Variants in UVSSA observed in about 807,000 individuals in gnomAD.
UVSSA encodes UV-stimulated scaffold protein A.
In UVSSA, 72 loss-of-function variants were observed where a neutral mutation model predicts 73.9. The observed-to-expected ratio is 0.97, with a 90% CI of 0.81 to 1.19. UVSSA has a LOEUF of 1.19. UVSSA is among the 50% of genes most tolerant of loss of function. UVSSA has a pLI of 0.00. For missense variants in UVSSA, 1,150 were observed against 965.0 expected, an observed-to-expected ratio of 1.19 and a Z score of -2.54; for synonymous variants, 454 against 391.3, an observed-to-expected ratio of 1.16 and a Z score of -1.89.
chr4:1,365,759 T>G (rs975235026), intron 7 of UVSSA, among the ~76,000 whole-genome samples: 2 of 152,158 alleles, frequency 1.3e-5, no homozygotes, highest in African/African-American at 4.8e-5. Flanking sequence ...GCCCGTTGCC[T>G]AAGAGCAGAC....
chr4:1,380,300 G>T (rs1369043875), intron 11 of UVSSA, 70 bp downstream of exon 11: 1 of 1,511,656 alleles, frequency 6.6e-7, no homozygotes, highest in African/African-American at 1.4e-5. Flanking sequence ...GGGGTGCTGA[G>T]CCCCACCTGC....
chr4:1,347,940 A>C (rs1437052335), intron 1 of UVSSA, 150 bp from the exon 2 acceptor site: 1 of 669,038 alleles, frequency 1.5e-6, no homozygotes, highest in African/African-American at 1.8e-5. Flanking sequence ...GGACACACAT[A>C]TTTCCCAGAG....
chr4:1,360,854 A>G (rs1219449700), intron 7 of UVSSA, among the ~76,000 whole-genome samples: 3 of 152,202 alleles, frequency 2.0e-5, no homozygotes, highest in Non-Finnish European at 4.4e-5. Flanking sequence ...GCGTTTACAT[A>G]AAGTCTGCGT....
intron 8 of UVSSA, among the ~76,000 whole-genome samples, chr4:1,372,182 C>G (rs1382022732): frequency 6.6e-6 from 1 of 152,192 alleles, no homozygotes; most frequent in East Asian, 1.9e-4. Flanking sequence ...TTATTTTCAA[C>G]TTTTCACTAA....
intron 7 of UVSSA, among the ~76,000 whole-genome samples, chr4:1,358,736 C>G (rs1716174505): frequency 6.6e-6 from 1 of 152,274 alleles, no homozygotes; most frequent in Non-Finnish European, 1.5e-5. Context: ...GGACGAGGTG[C>G]TCCTCGTTAA....
At chr4:1,351,926 C>G in intron 4 of UVSSA, 91 bp downstream of exon 4, 3 of 1,549,626 alleles carry the variant, frequency 1.9e-6, no homozygotes. Context: ...GCCCCAGCCG[C>G]AAGGAACCCA....
chr4:1,358,271 C>T (rs1417174448), intron 7 of UVSSA, among the ~76,000 whole-genome samples: 3 of 152,252 alleles, frequency 2.0e-5, no homozygotes, highest in Non-Finnish European at 4.4e-5. Flanking sequence ...GGCCCCTCGT[C>T]CCCTTCGACC....
At chr4:1,365,614 A>G (rs994820366) in intron 7 of UVSSA, among the ~76,000 whole-genome samples, 1 of 152,240 alleles carries the variant, frequency 6.6e-6, no homozygotes, top group Non-Finnish European at 1.5e-5. Flanking sequence ...TGGCCTTGTC[A>G]AAAGGAAATG....
chr4:1,378,045 C>T lies in UVSSA; in HGVS notation c.1568+1877C>T, dbSNP rs372372242. 5.8e-4 allele frequency among the ~76,000 whole-genome samples: 88 copies of T among 152,388 alleles called. 1 individual carries two copies. The South Asian group carries it at 0.016, about 28-fold the overall frequency. Reference sequence around the variant, plus strand: ...CCAGGATGGCAGGGGCTGCTCACCCCACATTCCCTCACCAAGTGGAGGGGT... The same window carrying T: ...CCAGGATGGCAGGGGCTGCTCACCCTACATTCCCTCACCAAGTGGAGGGGT... On this transcript the variant is annotated intron_variant, in intron 10 of 13. Transcript: ENST00000389851.
At chr4:1,366,154 A>G in intron 7 of UVSSA, 166 bp from the exon 8 acceptor site, 1 of 600,034 alleles carries the variant, frequency 1.7e-6, no homozygotes, top group Non-Finnish European at 3.0e-6. Flanking sequence ...GAACAAGAAC[A>G]GCCTTGGAGA....
chr4:1,343,289 C>A (rs143688969), upstream of UVSSA, among the ~76,000 whole-genome samples: 20 of 152,232 alleles, frequency 1.3e-4, no homozygotes, highest in African/African-American at 4.1e-4. Flanking sequence ...TCTCAGGAGT[C>A]TCTTCATCTT....
At chr4:1,353,586 C>T (rs6847321) in intron 5 of UVSSA, among the ~76,000 whole-genome samples, 173 bp downstream of exon 5, 32,432 of 152,058 alleles carry the variant, frequency 0.21, 4,409 homozygotes, top group African/African-American at 0.39. Flanking sequence ...CACTGGGCTC[C>T]CCCCACCCAT....
chr4:1,386,281 G>A lies in UVSSA; in HGVS notation c.*320G>A, dbSNP rs377104789. 1.0e-5 allele frequency: 3 copies of A among 296,794 alleles called. No individual in the cohort carries two copies. In the East Asian group the frequency reaches 2.2e-4, roughly 21 times the overall value. The allele number at this position is 296,794 out of a possible 1,614,324, so 18.4% of individuals were successfully genotyped here. A position where few individuals can be genotyped will look rare whatever the true frequency, so the allele number is the denominator to read the frequency against. ...TCGTGGTGTGGGGTTCAGCACGGAC[G>A]GAATGTGTGTGCAGCTCAGCCTTCA... On this transcript the variant is annotated 3_prime_UTR_variant, in exon 14 of 14. Transcript: ENST00000389851.
chr4:1,352,430 G>C (rs1714923870), intron 4 of UVSSA, among the ~76,000 whole-genome samples: 1 of 152,256 alleles, frequency 6.6e-6, no homozygotes, highest in South Asian at 2.1e-4. Flanking sequence ...AAGGCAGGCA[G>C]CTGGGTGCCC....
At chr4:1,369,512 C>T (rs772046889) in intron 8 of UVSSA, among the ~76,000 whole-genome samples, 1 of 152,260 alleles carries the variant, frequency 6.6e-6, no homozygotes, top group Non-Finnish European at 1.5e-5. Context: ...ATCCACACCA[C>T]GGAGGAAACC....
rs544328900 is a variant in UVSSA at position 1,369,912 on chromosome 4, G to A, written c.1288+3481G>A. On this transcript the variant is annotated intron_variant, in intron 8 of 13. Coordinates refer to ENST00000389851, the MANE Select transcript of UVSSA (RefSeq NM_020894.4). ...TGCGGGCAAGGCGGGCGCCGCGTTC[G>A]GCTGTGACGTGTGGCCTCTTGTTTT... Among the ~76,000 whole-genome samples the A allele has an allele frequency of 1.1e-3, 165 of 152,370 alleles. 1 individual carries two copies. Among genetic ancestry groups the A allele is most frequent in the African/African-American group, 3.8e-3 (159 of 41,586 alleles).
intron 7 of UVSSA, among the ~76,000 whole-genome samples, chr4:1,365,025 G>T (rs559974661): frequency 1.3e-5 from 2 of 152,354 alleles, no homozygotes; most frequent in East Asian, 3.9e-4. Context: ...TTGGAAGGAT[G>T]CAGGCCAGAG....
At chr4:1,374,587 G>T (rs568585795) in intron 8 of UVSSA, among the ~76,000 whole-genome samples, 1 of 152,230 alleles carries the variant, frequency 6.6e-6, no homozygotes, top group Admixed American at 6.5e-5. Context: ...TTGGTGAGAC[G>T]CAGCGCCATG....
downstream of UVSSA, chr4:1,391,497 A>G (rs527419693): frequency 2.6e-5 from 4 of 152,172 alleles, no homozygotes; most frequent in South Asian, 4.1e-4. Flanking sequence ...CTGTATTTCT[A>G]TTTCTTTCTG....
Sources: allele counts gnomAD v4.1 joint callset (sites outside exome capture counted in the v4.1 genomes callset), GRCh38; gene constraint gnomAD v4.1.1; transcripts MANE v1.5; gene names NCBI Gene and HGNC (gene_info 2026-07-23, HGNC 2026-07-21).